MEI4: variants seen among roughly 807,000 people sequenced by gnomAD.
MEI4 encodes meiosis-specific protein MEI4.
In MEI4, 27 loss-of-function variants were observed where a neutral mutation model predicts 31.4. The observed-to-expected ratio is 0.86, with a 90% CI of 0.63 to 1.19. The LOEUF (loss-of-function observed/expected upper bound fraction) is 1.19, where lower values mean the gene tolerates loss of function less well. Ranked by LOEUF, MEI4 falls within the 50% of genes most tolerant of loss-of-function variation. The probability of loss-of-function intolerance (pLI) is 0.00; values close to 1 mark genes in which losing one functional copy is unlikely to be tolerated. For synonymous variants in MEI4, 122 were observed against 145.4 expected (o/e 0.84, Z 1.16); for missense variants, 329 against 398.9 (o/e 0.82, Z 1.49).
intron 4 of MEI4, among the ~76,000 whole-genome samples, chr6:77,876,100 T>G (rs890442885): frequency 6.6e-6 from 1 of 152,200 alleles, no homozygotes; most frequent in Admixed American, 6.5e-5. Context: ...ATGACCCAGG[T>G]CAGCTTCACT....
chr6:77,705,478 TTC>T (rs1437099321), intron 2 of MEI4, among the ~76,000 whole-genome samples: 1 of 152,206 alleles, frequency 6.6e-6, no homozygotes, highest in Non-Finnish European at 1.5e-5. Flanking sequence ...TTGCATTATA[TTC>T]TGAGTCACAC....
intron 1 of MEI4, among the ~76,000 whole-genome samples, chr6:77,657,252 A>G (rs1426286111): frequency 6.6e-6 from 1 of 152,220 alleles, no homozygotes; most frequent in Non-Finnish European, 1.5e-5. Flanking sequence ...AAGTTCAGTA[A>G]AGAAAGAAAC....
In MEI4 at chr6:77,764,614, T is replaced by C. The variant is rs75449078; in HGVS notation, c.768+2949T>C. 2.5e-3 allele frequency among the ~76,000 whole-genome samples: 375 copies of C among 152,300 alleles called. 12 individuals carry two copies. In the East Asian group the frequency reaches 0.064, roughly 26 times the overall value. On this transcript the variant is annotated intron_variant, in intron 3 of 4. Transcript: ENST00000684080. ...AACACTGTAGAGTAAATGGATTTAA[T>C]TGACATATACAGAACTTTCCAGTCA...
intron 3 of MEI4, among the ~76,000 whole-genome samples, chr6:77,793,513 T>G (rs1768994642): frequency 6.6e-6 from 1 of 152,222 alleles, no homozygotes; most frequent in South Asian, 2.1e-4. Flanking sequence ...ATTGTAATGG[T>G]GTGTATAGGT....
chr6:77,738,414 T>C (rs1268726401), intron 2 of MEI4, among the ~76,000 whole-genome samples: 1 of 152,180 alleles, frequency 6.6e-6, no homozygotes, highest in Non-Finnish European at 1.5e-5. Flanking sequence ...TTTATTTGGC[T>C]CTTCTCTCTT....
At chr6:77,707,181 G>A (rs1020249961) in intron 2 of MEI4, among the ~76,000 whole-genome samples, 3 of 152,040 alleles carry the variant, frequency 2.0e-5, no homozygotes, top group Non-Finnish European at 2.9e-5. Context: ...CCAGACTGAT[G>A]AGGCCTCAGA....
At chr6:77,730,832 G>C (rs1259736638) in intron 2 of MEI4, among the ~76,000 whole-genome samples, 1 of 137,928 alleles carries the variant, frequency 7.3e-6, no homozygotes, top group Non-Finnish European at 1.5e-5. Flanking sequence ...CTGTGTCCCT[G>C]TGTTCTCATT....
chr6:77,681,157 A>G (rs1293368307), intron 1 of MEI4, among the ~76,000 whole-genome samples: 4 of 152,084 alleles, frequency 2.6e-5, no homozygotes, highest in Non-Finnish European at 5.9e-5. Context: ...CCTGGGATTG[A>G]CACAACCTCT....
chr6:77,655,531 G>A (rs894404716), intron 1 of MEI4, among the ~76,000 whole-genome samples: 1 of 152,060 alleles, frequency 6.6e-6, no homozygotes, highest in African/African-American at 2.4e-5. Context: ...GAGTTGTCTT[G>A]GATGCGGGCT....
chr6:77,907,529 G>A (rs1291390924), intron 4 of MEI4, among the ~76,000 whole-genome samples: 3 of 152,112 alleles, frequency 2.0e-5, no homozygotes, highest in Non-Finnish European at 2.9e-5. Context: ...TCTTAATCCA[G>A]TCTATCATTG....
At chr6:77,859,630 T>C (rs192754537) in intron 4 of MEI4, among the ~76,000 whole-genome samples, 1 of 152,214 alleles carries the variant, frequency 6.6e-6, no homozygotes, top group African/African-American at 2.4e-5. Context: ...ATGTTGAGCT[T>C]TTTTTCATAT....
intron 4 of MEI4, among the ~76,000 whole-genome samples, chr6:77,896,630 C>T (rs1160139480): frequency 3.9e-5 from 6 of 152,026 alleles, no homozygotes; most frequent in Non-Finnish European, 8.8e-5. Context: ...TTAACACACA[C>T]TTACACCTTC....
chr6:77,885,005 T>C (rs1379651713), intron 4 of MEI4, among the ~76,000 whole-genome samples: 2 of 152,180 alleles, frequency 1.3e-5, no homozygotes, highest in Non-Finnish European at 2.9e-5. Flanking sequence ...TTTTTCCATA[T>C]GTTTGTATCC....
At chr6:77,660,157 A>G (rs1470277087) in intron 1 of MEI4, among the ~76,000 whole-genome samples, 37 of 152,076 alleles carry the variant, frequency 2.4e-4, no homozygotes, top group Non-Finnish European at 1.0e-4. Flanking sequence ...TAGGCACTGG[A>G]AGAAAGGGAA....
chr6:77,776,848 A>G (rs1169626389), intron 3 of MEI4, among the ~76,000 whole-genome samples: 1 of 152,156 alleles, frequency 6.6e-6, no homozygotes, highest in African/African-American at 2.4e-5. Flanking sequence ...TTGATATTTG[A>G]TGGCAAGTCA....
At position 77,925,230 on chromosome 6, in the gene MEI4, A is replaced by C. The variant is rs1326313119; in HGVS notation, c.*1884A>C. 6.6e-6 allele frequency: 1 copy of C among 151,882 alleles called. No homozygotes were observed. The highest frequency in any genetic ancestry group is 1.9e-4 in the East Asian group (1 of 5,162). 9.4% of individuals were successfully genotyped at this position (151,882 alleles called of 1,614,324 possible). ...GTGGTCTCCAAGGCTTCAAGGTCTG[A>C]AAATTAGCCTAGGAAATATATTTAT... is the stretch of plus-strand genomic sequence containing the variant. On this transcript the variant is annotated 3_prime_UTR_variant, in exon 5 of 5. Transcript: ENST00000684080.
At chr6:77,736,197 A>T (rs1482177562) in intron 2 of MEI4, among the ~76,000 whole-genome samples, 2 of 152,016 alleles carry the variant, frequency 1.3e-5, no homozygotes, top group Non-Finnish European at 2.9e-5. Flanking sequence ...GTTTACCCTA[A>T]GCAAGCCTGG....
intron 2 of MEI4, among the ~76,000 whole-genome samples, chr6:77,743,944 A>G (rs1172110042): frequency 6.6e-6 from 1 of 152,242 alleles, no homozygotes; most frequent in Non-Finnish European, 1.5e-5. Flanking sequence ...AACAGAAAGG[A>G]CATCCACACC....
chr6:77,728,995 G>A (rs1453288432), intron 2 of MEI4, among the ~76,000 whole-genome samples: 5 of 152,146 alleles, frequency 3.3e-5, no homozygotes, highest in Admixed American at 6.5e-5. Context: ...AGGTGGGATC[G>A]GACAGTTAGA....
Sources: gnomAD v4.1 joint callset for allele counts (sites outside exome capture counted in the v4.1 genomes callset) on GRCh38, gnomAD v4.1.1 for gene constraint, MANE v1.5 for transcripts, NCBI Gene and HGNC (gene_info 2026-07-23, HGNC 2026-07-21) for gene names.